Variants in ROR2 observed in about 807,000 individuals in gnomAD.
ROR2 encodes ROR family WNT receptor 2, also known as tyrosine-protein kinase transmembrane receptor ROR2.
Under a neutral mutation model 74.9 loss-of-function variants are expected in ROR2, and 33 were observed. The observed-to-expected ratio is 0.44, with a 90% CI of 0.33 to 0.59. ROR2 has a LOEUF of 0.59. ROR2 is among the 20% of genes least tolerant of loss of function. The pLI is 0.02. For missense variants in ROR2, 1,216 were observed against 1,313.8 expected, an observed-to-expected ratio of 0.93 and a Z score of 1.15; for synonymous variants, 586 against 558.7, an observed-to-expected ratio of 1.05 and a Z score of -0.69.
chr9:91,844,522 A>C (rs1348359979), intron 1 of ROR2, among the ~76,000 whole-genome samples: 2 of 152,154 alleles, frequency 1.3e-5, no homozygotes, highest in African/African-American at 4.8e-5. Context: ...AGAACATATG[A>C]ATTTTGGGAA....
At chr9:91,914,807 C>T (rs1420215234) in intron 1 of ROR2, among the ~76,000 whole-genome samples, 1 of 152,088 alleles carries the variant, frequency 6.6e-6, no homozygotes, top group Admixed American at 6.5e-5. Flanking sequence ...CTCCTGAGCA[C>T]CTGAACAGGA....
chr9:91,949,365 C>CTT (rs1404582838), intron 1 of ROR2, among the ~76,000 whole-genome samples: 3 of 151,674 alleles, frequency 2.0e-5, no homozygotes, highest in African/African-American at 4.8e-5. Context: ...GCCGCTTCTC[C>CTT]GGGGCCACGT....
At chr9:91,868,059 G>A (rs1256437979) in intron 1 of ROR2, among the ~76,000 whole-genome samples, 1 of 152,110 alleles carries the variant, frequency 6.6e-6, no homozygotes, top group Non-Finnish European at 1.5e-5. Flanking sequence ...AGATGTCACA[G>A]ATGTTGGAAT....
intron 1 of ROR2, among the ~76,000 whole-genome samples, chr9:91,888,668 C>T (rs1228574000): frequency 2.0e-5 from 3 of 152,232 alleles, no homozygotes; most frequent in African/African-American, 7.2e-5. Context: ...GGCCACACCA[C>T]TTGCTCAGAA....
At chr9:91,832,034 G>A (rs1026493662) in intron 1 of ROR2, among the ~76,000 whole-genome samples, 1 of 152,064 alleles carries the variant, frequency 6.6e-6, no homozygotes, top group Non-Finnish European at 1.5e-5. Flanking sequence ...GGACTTGCAA[G>A]CTGACCACTG....
chr9:91,827,332 T>A (rs1169915577), intron 1 of ROR2, among the ~76,000 whole-genome samples: 3 of 152,042 alleles, frequency 2.0e-5, no homozygotes, highest in Non-Finnish European at 4.4e-5. Context: ...TTAATGTGAC[T>A]TTTAAAAGGC....
chr9:91,831,143 C>G (rs967390432), intron 1 of ROR2, among the ~76,000 whole-genome samples: 1 of 151,884 alleles, frequency 6.6e-6, no homozygotes, highest in Non-Finnish European at 1.5e-5. Context: ...TGCCTGTAAT[C>G]CCACCTACTC....
At chr9:91,862,330 CAAAAAA>C (rs926042604) in intron 1 of ROR2, among the ~76,000 whole-genome samples, 14 of 143,652 alleles carry the variant, frequency 9.7e-5, no homozygotes, top group South Asian at 4.4e-4. Flanking sequence ...ACTCCATCAC[CAAAAAA>C]AAAAGGAGGA....
intron 1 of ROR2, among the ~76,000 whole-genome samples, chr9:91,921,037 G>A (rs1403268810): frequency 5.9e-5 from 9 of 152,220 alleles, no homozygotes; most frequent in African/African-American, 1.4e-4. Context: ...ACCTCCACCC[G>A]AGGGGGTGAA....
chr9:91,738,965 G>A (rs1270646011), intron 4 of ROR2, among the ~76,000 whole-genome samples: 2 of 152,192 alleles, frequency 1.3e-5, no homozygotes, highest in East Asian at 3.8e-4. Context: ...TATCCTGGAG[G>A]ATTTTAAAGT....
rs143332143 is a variant in ROR2 at position 91,946,313 on chromosome 9, C to CA, written c.97+3553dup. 1.8e-3 allele frequency among the ~76,000 whole-genome samples: 276 copies of CA among 152,334 alleles called. 1 individual carries two copies. The highest frequency in any genetic ancestry group is 6.3e-3 in the African/African-American group (260 of 41,574). ...TCCCAAAAAGGAAATATCCTAATGA[C>CA]AATGTATGGAGTCACAACCAATGGG... On this transcript the variant is annotated intron_variant, in intron 1 of 8. Transcript: ENST00000375708.
intron 1 of ROR2, among the ~76,000 whole-genome samples, chr9:91,801,170 C>T (rs1827364400): frequency 6.6e-6 from 1 of 152,124 alleles, no homozygotes; most frequent in South Asian, 2.1e-4. Context: ...TAATTAACCA[C>T]CCTAGCCCAA....
intron 1 of ROR2, among the ~76,000 whole-genome samples, chr9:91,825,892 G>A (rs550377668): frequency 2.6e-5 from 4 of 152,308 alleles, no homozygotes; most frequent in African/African-American, 9.6e-5. Context: ...AGAAAGAGAA[G>A]GTCCTTCCAT....
At chr9:91,732,128 C>G (rs1017499650) in intron 6 of ROR2, among the ~76,000 whole-genome samples, 1 of 152,150 alleles carries the variant, frequency 6.6e-6, no homozygotes, top group African/African-American at 2.4e-5. Context: ...CTGGCCATTC[C>G]TGGACCCCCA....
intron 2 of ROR2, among the ~76,000 whole-genome samples, chr9:91,768,589 G>C (rs559274597): frequency 6.6e-6 from 1 of 152,164 alleles, no homozygotes; most frequent in East Asian, 1.9e-4. Flanking sequence ...GGAAACGGCC[G>C]CCCACCATAG....
intron 1 of ROR2, among the ~76,000 whole-genome samples, chr9:91,832,550 T>C (rs1189745465): frequency 6.6e-6 from 1 of 151,964 alleles, no homozygotes; most frequent in Non-Finnish European, 1.5e-5. Flanking sequence ...ATGACCCAGG[T>C]GGGCCTGGCT....
At position 91,905,492 on chromosome 9, in the gene ROR2, A is replaced by T. The variant is rs1465843767; in HGVS notation, c.97+44375T>A. 6.6e-6 allele frequency among the ~76,000 whole-genome samples: 1 copy of T among 152,006 alleles called. No individual in the cohort carries two copies. Among genetic ancestry groups the T allele is most frequent in the African/African-American group, 2.4e-5 (1 of 41,376 alleles). On this transcript the variant is annotated intron_variant, in intron 1 of 8. Coordinates refer to ENST00000375708, the MANE Select transcript of ROR2 (RefSeq NM_004560.4). This position sits in a 1 kb window ranked among gnomAD's most constrained non-coding sequence, Gnocchi z 5.3. Reference sequence around the variant, plus strand: ...ACACAACAAAGACACAACACATACCACATACACGACATACACAGACATCAC... The same window carrying T: ...ACACAACAAAGACACAACACATACCTCATACACGACATACACAGACATCAC...
intron 1 of ROR2, among the ~76,000 whole-genome samples, chr9:91,869,842 C>G (rs1829744798): frequency 6.6e-6 from 1 of 152,064 alleles, no homozygotes; most frequent in Non-Finnish European, 1.5e-5. Flanking sequence ...AAATCTTCCT[C>G]AGGAACTTTT....
intron 1 of ROR2, among the ~76,000 whole-genome samples, chr9:91,776,365 A>G (rs574002056): frequency 6.6e-6 from 1 of 152,130 alleles, no homozygotes; most frequent in Non-Finnish European, 1.5e-5. Context: ...TCTTCCTATC[A>G]TTTCTAGTCC....
Sources: allele counts gnomAD v4.1 joint callset (sites outside exome capture counted in the v4.1 genomes callset), GRCh38; gene constraint gnomAD v4.1.1; non-coding constraint Gnocchi (gnomAD v3.1); transcripts MANE v1.5; gene names NCBI Gene and HGNC (gene_info 2026-07-23, HGNC 2026-07-21).